EPHX2: variants seen among roughly 807,000 people sequenced by gnomAD.
EPHX2 encodes bifunctional epoxide hydrolase 2.
EPHX2 carries 74 observed loss-of-function variants against 78.7 expected under a neutral mutation model. The ratio of observed to expected loss-of-function variants is 0.94; its 90% CI spans 0.78 to 1.14. EPHX2 has a LOEUF of 1.14. Ranked by LOEUF, EPHX2 falls within the 50% of genes most tolerant of loss-of-function variation. The probability of loss-of-function intolerance (pLI) is 0.00; values close to 1 mark genes in which losing one functional copy is unlikely to be tolerated. For missense variants in EPHX2, 715 were observed against 702.5 expected, an observed-to-expected ratio of 1.02 and a Z score of -0.20; for synonymous variants, 251 against 255.2, an observed-to-expected ratio of 0.98 and a Z score of 0.16.
At chr8:27,524,350 CT>C (rs1490167230) in intron 11 of EPHX2, among the ~76,000 whole-genome samples, 2 of 152,114 alleles carry the variant, frequency 1.3e-5, no homozygotes, top group Non-Finnish European at 2.9e-5. Context: ...TCTCTCAGTG[CT>C]TGATTAATCT....
chr8:27,530,176 C>T (rs370397023), intron 12 of EPHX2, among the ~76,000 whole-genome samples: 6 of 151,966 alleles, frequency 3.9e-5, no homozygotes, highest in Admixed American at 3.9e-4. Flanking sequence ...GTGAGAGCTG[C>T]CATGCCAGCC....
intron 9 of EPHX2, among the ~76,000 whole-genome samples, chr8:27,520,601 TC>T (rs2132755265): frequency 6.6e-6 from 1 of 152,304 alleles, no homozygotes; most frequent in African/African-American, 2.4e-5. Flanking sequence ...CGCCTCGGCC[TC>T]CCAAAGTGCT....
intron 1 of EPHX2, among the ~76,000 whole-genome samples, chr8:27,498,476 A>G (rs553818902): frequency 6.6e-6 from 1 of 151,726 alleles, no homozygotes; most frequent in African/African-American, 2.4e-5. Flanking sequence ...CTTCCTGTAT[A>G]GTTATATTCT....
intron 8 of EPHX2, 54 bp from the exon 9 acceptor site, chr8:27,517,984 T>G: frequency 2.1e-6 from 3 of 1,417,298 alleles, no homozygotes; most frequent in Non-Finnish European, 2.9e-6. Context: ...TTTGATGTGT[T>G]GATATATTTT....
At position 27,503,716 on chromosome 8, in the gene EPHX2, A is replaced by G; in HGVS notation, c.299A>G (p.Lys100Arg). 6.2e-7 allele frequency: 1 copy of G among 1,613,750 alleles called. No individual in the cohort carries two copies. Residue 100 changes from lysine (K) to arginine (R), a missense_variant, in exon 3 of 19, where the codon AAG becomes AGG. Lys to Arg is a conservative substitution (Grantham distance 26, BLOSUM62 2). Coordinates refer to ENST00000521400, the MANE Select transcript of EPHX2 (RefSeq NM_001979.6). ...EIFDKAISAR[K>R]INRPMLQAAL... Reference sequence around the variant, plus strand: ...TTTGACAAGGCGATTTCAGCCAGAAAGATCAACCGCCCCATGCTCCAGGCA... The same window carrying G: ...TTTGACAAGGCGATTTCAGCCAGAAGGATCAACCGCCCCATGCTCCAGGCA...
chr8:27,501,324 T>TTCCTTC (rs1813761423), intron 2 of EPHX2, among the ~76,000 whole-genome samples: 3 of 102,914 alleles, frequency 2.9e-5, no homozygotes. Context: ...TGCTATATAT[T>TTCCTTC]TTCTTCTTCT....
In EPHX2 at chr8:27,544,604, TAC is replaced by T; in HGVS notation, c.*88_*89del. The T allele has an allele frequency of 1.4e-6, 2 of 1,415,404 alleles. No individual in the cohort carries two copies. The highest frequency in any genetic ancestry group is 2.0e-6 in the Non-Finnish European group (2 of 1,001,880). 87.7% of individuals were successfully genotyped at this position (1,415,404 alleles called of 1,614,324 possible). A position where few individuals can be genotyped will look rare whatever the true frequency, so the allele number is the denominator to read the frequency against. On this transcript the variant is annotated 3_prime_UTR_variant, in exon 19 of 19. Coordinates refer to ENST00000521400, the MANE Select transcript of EPHX2 (RefSeq NM_001979.6). The stretch of plus-strand genomic sequence containing the variant: ...CATTCTTAGTATACAGAGGTGGCCT[TAC>T]ACACATCTTGCATGGATGGCAGCAT...
intron 12 of EPHX2, among the ~76,000 whole-genome samples, chr8:27,530,555 AT>A (rs920638579): frequency 6.6e-6 from 1 of 152,058 alleles, no homozygotes; most frequent in Non-Finnish European, 1.5e-5. Flanking sequence ...TATTGCACAG[AT>A]TTTTTTGTCA....
At position 27,516,407 on chromosome 8, in the gene EPHX2, G is replaced by A. The variant is rs1484972992; in HGVS notation, c.910+9G>A. 2.5e-6 allele frequency: 4 copies of A among 1,613,436 alleles called. No homozygotes were observed. Among genetic ancestry groups the A allele is most frequent in the Non-Finnish European group, 3.4e-6 (4 of 1,179,474 alleles). ...GTCATCTGCTCCTCCCGGTGGGTGTGCTGTCTTGCAGCTGTCTTATGCTGG... is the reference window on the plus strand; with the variant it reads ...GTCATCTGCTCCTCCCGGTGGGTGTACTGTCTTGCAGCTGTCTTATGCTGG... On this transcript the variant is annotated intron_variant, in intron 8 of 18. Transcript: ENST00000521400.
intron 1 of EPHX2, among the ~76,000 whole-genome samples, chr8:27,498,524 TAAG>T (rs1813655349): frequency 3.3e-5 from 5 of 152,168 alleles, no homozygotes; most frequent in Admixed American, 1.3e-4. Context: ...TCCCATTCTC[TAAG>T]AAGAAGAAAT....
Position 27,514,002 on chromosome 8 carries a change from G to C in EPHX2, c.736-1716G>C, listed in dbSNP as rs1166760009. Among the ~76,000 whole-genome samples the C allele has an allele frequency of 2.0e-5, 3 of 152,212 alleles. No homozygotes were observed. The East Asian group carries it at 5.8e-4, about 29-fold the overall frequency. On this transcript the variant is annotated intron_variant, in intron 6 of 18. Transcript: ENST00000521400. The stretch of plus-strand genomic sequence containing the variant: ...ACCTAATGTTTTCTTGAGCAAAATA[G>C]CTTGTTGGGAATTATGAATAAAACT...
rs72475838 is a variant in EPHX2, at chr8:27,514,804, C to T, written c.736-914C>T. 2.0e-4 allele frequency among the ~76,000 whole-genome samples: 30 copies of T among 152,154 alleles called. 1 individual carries two copies. Among genetic ancestry groups the T allele is most frequent in the African/African-American group, 6.0e-4 (25 of 41,508 alleles). On this transcript the variant is annotated intron_variant, in intron 6 of 18. Coordinates refer to ENST00000521400, the MANE Select transcript of EPHX2 (RefSeq NM_001979.6). ...CCGGAGCTCACTTGTGCGTCCACAC[C>T]GACTGTAGGAGGGGGAGGTGCTCTG... is the stretch of plus-strand genomic sequence containing the variant.
chr8:27,529,064 G>A (rs1329303296), intron 12 of EPHX2, among the ~76,000 whole-genome samples: 4 of 152,170 alleles, frequency 2.6e-5, no homozygotes. Context: ...CCAAAATGCT[G>A]GGTGAGCCAC....
chr8:27,544,400 G>C, intron 18 of EPHX2, 44 bp from the exon 19 acceptor site: 1 of 1,611,704 alleles, frequency 6.2e-7, no homozygotes, highest in East Asian at 2.2e-5. Flanking sequence ...GTGCAGACAA[G>C]TGTGAATGGC....
chr8:27,493,401 G>A (rs1211958980), intron 1 of EPHX2, among the ~76,000 whole-genome samples: 3 of 152,174 alleles, frequency 2.0e-5, no homozygotes, highest in Admixed American at 6.5e-5. Context: ...AGACCTTAGC[G>A]GTTTTGGAGA....
In EPHX2 at chr8:27,525,465, C is replaced by G; in HGVS notation, c.1162C>G (p.Gln388Glu). The stretch of plus-strand genomic sequence containing the variant: ...AGTATTTGATTACCAGCTCTACTTC[C>G]AAGAACCAGTAAGTATGGCACCAAG... The part of the protein sequence containing the change: ...NPVFDYQLYF[Q>E]EPGVAEAELE... The change falls in exon 12 of 19, where the codon CAA becomes GAA. Residue 388 changes from glutamine (Q) to glutamate (E), a missense_variant. By Grantham distance (29) the Gln-to-Glu change is conservative. Transcript: ENST00000521400. The G allele has an allele frequency of 1.2e-6, 2 of 1,613,522 alleles. No homozygotes were observed. The highest frequency in any genetic ancestry group is 1.7e-6 in the Non-Finnish European group (2 of 1,179,432).
chr8:27,517,885 C>T (rs763184274), intron 8 of EPHX2, among the ~76,000 whole-genome samples, 153 bp from the exon 9 acceptor site: 20 of 152,156 alleles, frequency 1.3e-4, no homozygotes, highest in Non-Finnish European at 2.2e-4. Flanking sequence ...AGCAAACACT[C>T]GAGTCTACCT....
chr8:27,533,892 T>C (rs1815126236), intron 12 of EPHX2, among the ~76,000 whole-genome samples: 1 of 152,226 alleles, frequency 6.6e-6, no homozygotes, highest in South Asian at 2.1e-4. Context: ...CTAGACTCTT[T>C]GATTTTCTTT....
At chr8:27,498,248 G>GC (rs1813644903) in intron 1 of EPHX2, among the ~76,000 whole-genome samples, 1 of 152,180 alleles carries the variant, frequency 6.6e-6, no homozygotes, top group African/African-American at 2.4e-5. Context: ...ATAACCGATA[G>GC]CCCGGGGGTT....
Sources: allele counts gnomAD v4.1 joint callset (sites outside exome capture counted in the v4.1 genomes callset), GRCh38; gene constraint gnomAD v4.1.1; transcripts MANE v1.5; gene names NCBI Gene and HGNC (gene_info 2026-07-23, HGNC 2026-07-21).